VWDE: variants seen among roughly 807,000 people sequenced by gnomAD.
The protein encoded by VWDE is von Willebrand factor D and EGF domain-containing protein.
Under a neutral mutation model 178.4 loss-of-function variants are expected in VWDE, and 207 were observed. The ratio of observed to expected loss-of-function variants is 1.16; its 90% CI spans 1.04 to 1.30. The LOEUF is 1.30. VWDE is among the 50% of genes most tolerant of loss of function. The pLI is 0.00. For synonymous variants in VWDE, 738 were observed against 651.4 expected, an observed-to-expected ratio of 1.13 and a Z score of -2.02; for missense variants, 2,287 against 1,901.3, an observed-to-expected ratio of 1.20 and a Z score of -3.77.
chr7:12,342,190 G>C, intron 22 of VWDE, 36 bp from the exon 23 acceptor site: 1 of 1,517,660 alleles, frequency 6.6e-7, no homozygotes, highest in Middle Eastern at 1.7e-4. Context: ...GAAAGATTAG[G>C]CTTGGAGTAG....
intron 18 of VWDE, among the ~76,000 whole-genome samples, chr7:12,354,762 GT>G (rs1306970263): frequency 1.3e-5 from 2 of 152,140 alleles, no homozygotes; most frequent in Non-Finnish European, 2.9e-5. Flanking sequence ...TCCATTAATA[GT>G]TAAGGCAAAA....
intron 3 of VWDE, among the ~76,000 whole-genome samples, chr7:12,387,162 T>C (rs570446657): frequency 6.6e-6 from 1 of 152,180 alleles, no homozygotes; most frequent in African/African-American, 2.4e-5. Context: ...TAAAATTATA[T>C]GTTGAGAACA....
Position 12,390,814 on chromosome 7 carries a change from A to G in VWDE, c.244-1456T>C, listed in dbSNP as rs543434999. Reference sequence around the variant, plus strand: ...GCTATTGGAATTAAAAATTATCACTATGTTTTAAATGAACAACTATATGTA... The same window carrying G: ...GCTATTGGAATTAAAAATTATCACTGTGTTTTAAATGAACAACTATATGTA... On this transcript the variant is annotated intron_variant, in intron 2 of 28. Transcript: ENST00000275358. Among the ~76,000 whole-genome samples the G allele has an allele frequency of 7.9e-5, 12 of 152,144 alleles. No homozygotes were observed. In the South Asian group the frequency reaches 2.3e-3, roughly 29 times the overall value.
Position 12,335,612 on chromosome 7 carries a change from C to T in VWDE, c.4654+529G>A, listed in dbSNP as rs542593302. 5.1e-4 allele frequency among the ~76,000 whole-genome samples: 78 copies of T among 152,090 alleles called. No individual in the cohort carries two copies. In the Middle Eastern group the frequency reaches 0.017, roughly 33 times the overall value. On this transcript the variant is annotated intron_variant, in intron 27 of 28. Transcript: ENST00000275358. ...CTGGGACTACAGGCGCCTGCCACCACGCCTGGCTAATTTTTTGTATTTTTA... is the reference window on the plus strand; with the variant it reads ...CTGGGACTACAGGCGCCTGCCACCATGCCTGGCTAATTTTTTGTATTTTTA...
chr7:12,393,554 A>C (rs768321832), intron 2 of VWDE, 40 bp downstream of exon 2: 1 of 1,430,214 alleles, frequency 7.0e-7, no homozygotes, highest in Non-Finnish European at 9.3e-7. Flanking sequence ...TGAAAAACAC[A>C]TAAGGAAAAT....
Position 12,336,975 on chromosome 7 carries a change from G to A in VWDE, c.4558+13C>T, listed in dbSNP as rs562841579. On this transcript the variant is annotated intron_variant, in intron 26 of 28. Transcript: ENST00000275358. ...GGACGAAAGCTTCAGTGTTTTAAGA[G>A]TATTCCTCTTACGTGTGTTGCATCG... 64 of 1,545,202 alleles carry A rather than the reference G, an allele frequency of 4.1e-5. 2 individuals carry two copies. The South Asian group carries it at 7.2e-4, about 17-fold the overall frequency.
rs1403332213 is a variant in VWDE at position 12,374,710 on chromosome 7, T to C, written c.1295A>G (p.His432Arg). 1 of 1,538,874 alleles carries C rather than the reference T, an allele frequency of 6.5e-7. No homozygotes were observed. ...TAYCYTFTDP[H>R]IITFDGRVYD... ...TTACCTGCCATCAAATGTAATTATA[T>C]GTGGGTCAGTAAATGTATAGCAGTA... is the stretch of plus-strand genomic sequence containing the variant. The change falls in exon 9 of 29, where the codon CAT (histidine) becomes CGT (arginine). Residue 432 changes from histidine to arginine, a missense_variant. Coordinates refer to ENST00000275358, the MANE Select transcript of VWDE (RefSeq NM_001135924.3).
At chr7:12,390,151 C>G (rs1428192753) in intron 2 of VWDE, among the ~76,000 whole-genome samples, 2 of 145,514 alleles carry the variant, frequency 1.4e-5, no homozygotes, top group Non-Finnish European at 3.0e-5. Context: ...GGCGACAGAG[C>G]GAGACTCCAT....
chr7:12,340,197 C>T (rs551334629), intron 24 of VWDE, 125 bp downstream of exon 24: 1 of 703,296 alleles, frequency 1.4e-6, no homozygotes, highest in South Asian at 2.1e-5. Context: ...ATACTTGAAA[C>T]ATCGCAAGAA....
intron 13 of VWDE, among the ~76,000 whole-genome samples, chr7:12,362,152 A>T (rs1782617704): frequency 6.6e-6 from 1 of 151,852 alleles, no homozygotes; most frequent in Non-Finnish European, 1.5e-5. Context: ...TTCACTATGG[A>T]GAGAAAGCCA....
chr7:12,337,369 G>T, intron 24 of VWDE, 97 bp from the exon 25 acceptor site: 2 of 1,001,662 alleles, frequency 2.0e-6, no homozygotes, highest in East Asian at 2.6e-5. Flanking sequence ...AGGACATAAG[G>T]CAGAGAAATG....
chr7:12,332,768 T>C (rs767807888), intron 28 of VWDE, among the ~76,000 whole-genome samples: 7 of 152,148 alleles, frequency 4.6e-5, no homozygotes, highest in Admixed American at 6.5e-5. Context: ...CATATATCCA[T>C]TTTGTCTCCA....
At chr7:12,337,680 A>G (rs1781118507) in intron 24 of VWDE, among the ~76,000 whole-genome samples, 1 of 152,194 alleles carries the variant, frequency 6.6e-6, no homozygotes, top group African/African-American at 2.4e-5. Flanking sequence ...CATATTTAAA[A>G]AGCACTTTTA....
Position 12,331,005 on chromosome 7 carries a change from C to T in VWDE, c.*178G>A. 1 of 516,314 alleles carries T rather than the reference C, an allele frequency of 1.9e-6. No homozygotes were observed. Among genetic ancestry groups the T allele is most frequent in the Non-Finnish European group, 3.4e-6 (1 of 296,754 alleles). The allele number at this position is 516,314 out of a possible 1,614,324, so 32.0% of individuals were successfully genotyped here. On this transcript the variant is annotated 3_prime_UTR_variant, in exon 29 of 29. Transcript: ENST00000275358. Reference sequence around the variant, plus strand: ...CATCAAATTTAGATTACCTGGATTTCTTCTTTGCTTTTCTCTATGATTACA... The same window carrying T: ...CATCAAATTTAGATTACCTGGATTTTTTCTTTGCTTTTCTCTATGATTACA...
chr7:12,383,556 T>G lies in VWDE; in HGVS notation c.521A>C (p.Glu174Ala), dbSNP rs2128559381. 1 of 1,550,522 alleles carries G rather than the reference T, an allele frequency of 6.4e-7. No homozygotes were observed. Among genetic ancestry groups the G allele is most frequent in the East Asian group, 2.4e-5 (1 of 40,836 alleles). ...RLHPCGSDET[E>A]TGGDCVRQLA... ...CTTACGAACACAATCACCTCCTGTT[T>G]CAGTTTCATCAGAACCACATGGGTG... The change falls in exon 4 of 29, where the codon GAA (glutamate) becomes GCA (alanine). Residue 174 changes from glutamate to alanine, a missense_variant. Transcript: ENST00000275358.
At position 12,370,106 on chromosome 7, in the gene VWDE, C is replaced by G; in HGVS notation, c.2200G>C (p.Gly734Arg). The change falls in exon 12 of 29, where the codon GGC becomes CGC. Residue 734 changes from glycine (G) to arginine (R), a missense_variant. By Grantham distance (125) the Gly-to-Arg change is moderately radical. Transcript: ENST00000275358. Reference protein sequence around the residue: ...QYLANKKYTQGRGSHSQEMRY... With the variant: ...QYLANKKYTQRRGSHSQEMRY... Reference sequence around the variant, plus strand: ...ATTTCTTGGCTGTGGCTTCCCCGGCCTTGTGTATATTTCTTATTGGCCAAA... The same window carrying G: ...ATTTCTTGGCTGTGGCTTCCCCGGCGTTGTGTATATTTCTTATTGGCCAAA... The G allele has an allele frequency of 6.4e-7, 1 of 1,551,508 alleles. No homozygotes were observed.
At position 12,344,294 on chromosome 7, in the gene VWDE, T is replaced by C. The variant is rs1781487378; in HGVS notation, c.3983-4A>G. 6.4e-7 allele frequency: 1 copy of C among 1,551,096 alleles called. No individual in the cohort carries two copies. Among genetic ancestry groups the C allele is most frequent in the Admixed American group, 2.0e-5 (1 of 50,950 alleles). ...TTGCAATCAGGGTCACAAAGAGCTGTATAAAATAAAGCCCAAGTTTTAGAC... is the reference window on the plus strand; with the variant it reads ...TTGCAATCAGGGTCACAAAGAGCTGCATAAAATAAAGCCCAAGTTTTAGAC... On this transcript the variant is annotated splice_polypyrimidine_tract_variant and splice_region_variant and intron_variant, in intron 20 of 28. Coordinates refer to ENST00000275358, the MANE Select transcript of VWDE (RefSeq NM_001135924.3).
At chr7:12,384,904 C>A (rs552839554) in intron 3 of VWDE, among the ~76,000 whole-genome samples, 1 of 152,070 alleles carries the variant, frequency 6.6e-6, no homozygotes, top group African/African-American at 2.4e-5. Flanking sequence ...ATATAGTATA[C>A]ATTTTTAACT....
At chr7:12,383,487 T>A (rs765990762) in intron 4 of VWDE, 49 bp downstream of exon 4, 1 of 1,352,348 alleles carries the variant, frequency 7.4e-7, no homozygotes, top group Admixed American at 2.0e-5. Flanking sequence ...TCTGTTGAAA[T>A]AGTCTAGTTT....
Sources: allele counts gnomAD v4.1 joint callset (sites outside exome capture counted in the v4.1 genomes callset), GRCh38; gene constraint gnomAD v4.1.1; transcripts MANE v1.5; gene names NCBI Gene and HGNC (gene_info 2026-07-23, HGNC 2026-07-21).